Variants in LGR4 observed in about 807,000 individuals in gnomAD.
LGR4 encodes the protein leucine rich repeat containing G protein-coupled receptor 4, also known as leucine-rich repeat-containing G protein-coupled receptor 4.
A neutral mutation model predicts 84.8 loss-of-function variants in LGR4; 44 were observed. That is an observed-to-expected ratio of 0.52 (90% CI 0.41 to 0.67). The LOEUF (loss-of-function observed/expected upper bound fraction) is 0.67, where lower values mean the gene tolerates loss of function less well. LGR4 is among the 30% of genes least tolerant of loss of function. LGR4 has a pLI of 0.00. For missense variants in LGR4, 1,032 were observed against 1,131.4 expected, an observed-to-expected ratio of 0.91 and a Z score of 1.26; for synonymous variants, 429 against 434.3, an observed-to-expected ratio of 0.99 and a Z score of 0.15.
intron 1 of LGR4, among the ~76,000 whole-genome samples, chr11:27,464,124 G>T (rs1032375948): frequency 1.3e-5 from 2 of 152,200 alleles, no homozygotes; most frequent in African/African-American, 2.4e-5. Flanking sequence ...TTCCTGTTAA[G>T]TTACTCAAGA....
intron 2 of LGR4, among the ~76,000 whole-genome samples, chr11:27,406,758 A>G (rs1410539009): frequency 2.0e-5 from 3 of 152,198 alleles, no homozygotes; most frequent in African/African-American, 4.8e-5. Flanking sequence ...GTGGAACAAG[A>G]GAATGCTTCC....
intron 1 of LGR4, among the ~76,000 whole-genome samples, chr11:27,463,159 C>G (rs1023360304): frequency 6.7e-6 from 1 of 149,750 alleles, no homozygotes; most frequent in African/African-American, 2.5e-5. Context: ...GACTGAGGTA[C>G]GAGGATGCCC....
At chr11:27,438,342 A>C (rs1190283660) in intron 1 of LGR4, among the ~76,000 whole-genome samples, 2 of 152,204 alleles carry the variant, frequency 1.3e-5, no homozygotes, top group African/African-American at 4.8e-5. Context: ...AATAGTTCTC[A>C]ACCAGGGGTG....
intron 1 of LGR4, among the ~76,000 whole-genome samples, chr11:27,431,260 A>G (rs1314019596): frequency 3.3e-5 from 5 of 152,168 alleles, no homozygotes; most frequent in African/African-American, 4.8e-5. Context: ...CTTGTGCCCT[A>G]CTCCAGACCA....
At chr11:27,414,475 T>A (rs1590374918) in intron 1 of LGR4, among the ~76,000 whole-genome samples, 1 of 152,100 alleles carries the variant, frequency 6.6e-6, no homozygotes, top group Non-Finnish European at 1.5e-5. Context: ...AACATTAATA[T>A]ACATTTCTTA....
At chr11:27,377,363 C>A in intron 11 of LGR4, 140 bp from the exon 12 acceptor site, 1 of 465,990 alleles carries the variant, frequency 2.1e-6, no homozygotes. Flanking sequence ...AGTCTTTTTT[C>A]CTAAGACTTG....
intron 4 of LGR4, among the ~76,000 whole-genome samples, chr11:27,390,847 G>A (rs940212972): frequency 6.6e-5 from 10 of 152,144 alleles, no homozygotes; most frequent in African/African-American, 2.4e-4. Flanking sequence ...CAGTGCACAA[G>A]TTCATGGAAG....
Position 27,374,174 on chromosome 11 carries a change from T to C in LGR4, c.1182-128A>G, listed in dbSNP as rs1283992644. ...ATAAGATAACAAAGATCTTCAATCT[T>C]GGCCAGCAATATTTTTTCATGTTTA... On this transcript the variant is annotated intron_variant, in intron 13 of 17. Coordinates refer to ENST00000379214, the MANE Select transcript of LGR4 (RefSeq NM_018490.5). 13 of 686,452 alleles carry C rather than the reference T, an allele frequency of 1.9e-5. No individual in the cohort carries two copies. In the East Asian group the frequency reaches 3.0e-4, roughly 16 times the overall value. 42.5% of individuals were successfully genotyped at this position (686,452 alleles called of 1,614,324 possible). A position where few individuals can be genotyped will look rare whatever the true frequency, so the allele number is the denominator to read the frequency against.
At chr11:27,423,513 T>C (rs577584660) in intron 1 of LGR4, among the ~76,000 whole-genome samples, 1 of 152,360 alleles carries the variant, frequency 6.6e-6, no homozygotes, top group African/African-American at 2.4e-5. Context: ...AAAAATGTAT[T>C]CTATCCTTAA....
chr11:27,409,232 G>C (rs1303216951), intron 2 of LGR4, among the ~76,000 whole-genome samples: 1 of 151,900 alleles, frequency 6.6e-6, no homozygotes, highest in African/African-American at 2.4e-5. Flanking sequence ...GGGCTCTAGG[G>C]GCCTGACTTC....
At chr11:27,471,348 A>G in intron 1 of LGR4, among the ~76,000 whole-genome samples, 1 of 152,222 alleles carries the variant, frequency 6.6e-6, no homozygotes, top group East Asian at 1.9e-4. Context: ...GGCTGAGCAT[A>G]TGCTCCGGAA....
intron 1 of LGR4, among the ~76,000 whole-genome samples, chr11:27,433,397 CTTT>C (rs11296973): frequency 7.7e-5 from 11 of 142,766 alleles, no homozygotes; most frequent in African/African-American, 7.7e-5. Flanking sequence ...ATTTTTATTT[CTTT>C]TTTTTTTTTT....
Position 27,372,385 on chromosome 11 carries a change from G to T in LGR4, c.1393C>A (p.Pro465Thr), listed in dbSNP as rs1365671208. 1.2e-6 allele frequency: 2 copies of T among 1,605,824 alleles called. No homozygotes were observed. Among genetic ancestry groups the T allele is most frequent in the Non-Finnish European group, 1.7e-6 (2 of 1,172,836 alleles). ...DFVNLRSLSVPYAYQCCAFWG... is the reference protein window; with the variant it reads ...DFVNLRSLSVTYAYQCCAFWG... ...AATGCACAGCACTGATAAGCATATG[G>T]TACTGATAAAGACCTGGAAAAAAAA... Residue 465 changes from proline to threonine, a missense_variant, in exon 16 of 18, where the codon CCA (proline) becomes ACA (threonine). Coordinates refer to ENST00000379214, the MANE Select transcript of LGR4 (RefSeq NM_018490.5).
intron 1 of LGR4, among the ~76,000 whole-genome samples, chr11:27,443,596 G>A (rs1286259131): frequency 6.6e-6 from 1 of 152,174 alleles, no homozygotes; most frequent in African/African-American, 2.4e-5. Context: ...TACGCAAGGA[G>A]CTGTTAAAAA....
rs537905763 is a variant in LGR4 at position 27,391,019 on chromosome 11, T to G, written c.401+75A>C. The G allele has an allele frequency of 1.0e-4, 88 of 856,904 alleles. No individual in the cohort carries two copies. The African/African-American group carries it at 1.4e-3, about 14-fold the overall frequency. The allele number at this position is 856,904 out of a possible 1,614,324, so 53.1% of individuals were successfully genotyped here. On this transcript the variant is annotated intron_variant, in intron 4 of 17. Coordinates refer to ENST00000379214, the MANE Select transcript of LGR4 (RefSeq NM_018490.5). ...TGAAAGGATAAATCTCCTCTTTCCTTACAATTCTAGTTATTTACATCTTTA... is the reference window on the plus strand; with the variant it reads ...TGAAAGGATAAATCTCCTCTTTCCTGACAATTCTAGTTATTTACATCTTTA...
chr11:27,459,632 G>A (rs1864644405), intron 1 of LGR4, among the ~76,000 whole-genome samples: 1 of 151,858 alleles, frequency 6.6e-6, no homozygotes, highest in South Asian at 2.1e-4. Context: ...GCCCACCACT[G>A]CACCTGCCTA....
chr11:27,386,853 A>T (rs1400754428), intron 4 of LGR4, among the ~76,000 whole-genome samples: 2 of 152,222 alleles, frequency 1.3e-5, no homozygotes, highest in African/African-American at 4.8e-5. Context: ...ATCTACCTAG[A>T]AACACACATT....
At chr11:27,471,426 G>A (rs1192310065) in intron 1 of LGR4, among the ~76,000 whole-genome samples, 1 of 152,234 alleles carries the variant, frequency 6.6e-6, no homozygotes, top group East Asian at 1.9e-4. Flanking sequence ...TGTTGGGTAA[G>A]AGCATGTCCA....
chr11:27,455,260 A>G (rs1043685823), intron 1 of LGR4, among the ~76,000 whole-genome samples: 1 of 152,174 alleles, frequency 6.6e-6, no homozygotes, highest in Non-Finnish European at 1.5e-5. Flanking sequence ...AGCACTATAA[A>G]TGATTCTGGT....
Sources: gnomAD v4.1 joint callset for allele counts (sites outside exome capture counted in the v4.1 genomes callset) on GRCh38, gnomAD v4.1.1 for gene constraint, MANE v1.5 for transcripts, NCBI Gene and HGNC (gene_info 2026-07-23, HGNC 2026-07-21) for gene names.